The following IL1RAPL1 variants were observed in gnomAD, a reference collection of about 807,000 sequenced individuals.
IL1RAPL1 encodes the protein interleukin-1 receptor accessory protein-like 1.
Under a neutral mutation model 48.4 loss-of-function variants are expected in IL1RAPL1, and 3 were observed. The observed-to-expected ratio is 0.06, with a 90% CI of 0.03 to 0.16. The LOEUF is 0.16. Ranked by LOEUF, IL1RAPL1 falls within the 10% of genes least tolerant of loss-of-function variation. IL1RAPL1 has a pLI of 1.00. For synonymous variants in IL1RAPL1, 185 were observed against 187.7 expected (o/e 0.99, Z 0.12); for missense variants, 349 against 530.6 (o/e 0.66, Z 3.36).
At chrX:29,484,175 A>G (rs1980844738) in intron 5 of IL1RAPL1, among the ~76,000 whole-genome samples, 2 of 111,702 alleles carry the variant, frequency 1.8e-5, no homozygotes, top group Non-Finnish European at 3.8e-5. Flanking sequence ...AATACCACAG[A>G]CAGGGTAATT....
At chrX:29,212,198 T>C (rs191176211) in intron 2 of IL1RAPL1, among the ~76,000 whole-genome samples, 20 of 111,631 alleles carry the variant, frequency 1.8e-4, no homozygotes, top group African/African-American at 6.2e-4. Flanking sequence ...CCATCCCTAA[T>C]AAATCAGCTT....
At chrX:28,598,490 C>G (rs1183627593) in intron 1 of IL1RAPL1, among the ~76,000 whole-genome samples, 1 of 110,968 alleles carries the variant, frequency 9.0e-6, no homozygotes, top group African/African-American at 3.3e-5. Flanking sequence ...TACTTAGGCA[C>G]AAACTAAATG....
intron 2 of IL1RAPL1, among the ~76,000 whole-genome samples, chrX:29,224,338 C>A (rs1243068403): frequency 9.0e-6 from 1 of 110,726 alleles, no homozygotes; most frequent in Non-Finnish European, 1.9e-5. Flanking sequence ...TTTATTTTAG[C>A]CTATGTGTAC....
chrX:28,742,088 C>T (rs749051636), intron 1 of IL1RAPL1, among the ~76,000 whole-genome samples: 57 of 111,076 alleles, frequency 5.1e-4, no homozygotes, highest in Middle Eastern at 4.6e-3. Flanking sequence ...CAGAACGTCT[C>T]GTTGGGACAT....
intron 2 of IL1RAPL1, among the ~76,000 whole-genome samples, chrX:28,985,681 A>G (rs1418653263): frequency 1.1e-5 from 1 of 93,465 alleles, no homozygotes; most frequent in African/African-American, 4.2e-5. Flanking sequence ...TTTTTTTGAG[A>G]CGGAGTCTCG....
intron 8 of IL1RAPL1, among the ~76,000 whole-genome samples, chrX:29,935,245 A>AT (rs914206976): frequency 2.7e-4 from 30 of 110,606 alleles, no homozygotes; most frequent in African/African-American, 9.9e-4. Flanking sequence ...AATGATGTCC[A>AT]TTTTTCCCCA....
chrX:29,337,066 A>G (rs1420941690), intron 3 of IL1RAPL1, among the ~76,000 whole-genome samples: 5 of 111,078 alleles, frequency 4.5e-5, no homozygotes, highest in Admixed American at 9.6e-5. Context: ...CTCCAAGTCA[A>G]AGTACTCAGC....
At chrX:29,211,541 G>T (rs899403104) in intron 2 of IL1RAPL1, among the ~76,000 whole-genome samples, 1 of 111,437 alleles carries the variant, frequency 9.0e-6, no homozygotes, top group Admixed American at 9.6e-5. Context: ...TTTTAAATTC[G>T]CTGCCACCAT....
At chrX:28,883,464 CATTTA>C (rs1204721105) in intron 2 of IL1RAPL1, among the ~76,000 whole-genome samples, 6 of 111,703 alleles carry the variant, frequency 5.4e-5, no homozygotes, top group Non-Finnish European at 9.4e-5. Context: ...AAATATAATT[CATTTA>C]ATTTAACTTA....
At chrX:29,707,501 C>T (rs568756554) in intron 6 of IL1RAPL1, among the ~76,000 whole-genome samples, 3 of 111,990 alleles carry the variant, frequency 2.7e-5, no homozygotes, top group Middle Eastern at 4.6e-3. Flanking sequence ...TTTATAGCAG[C>T]ACAATTTGCA....
intron 2 of IL1RAPL1, among the ~76,000 whole-genome samples, chrX:29,177,605 A>G (rs1308978818): frequency 8.9e-6 from 1 of 112,140 alleles, no homozygotes; most frequent in Non-Finnish European, 1.9e-5. Flanking sequence ...TTAATTTTCT[A>G]TTATTATACT....
chrX:29,802,805 AT>A (rs1929975875), intron 6 of IL1RAPL1, among the ~76,000 whole-genome samples: 1 of 58,495 alleles, frequency 1.7e-5, no homozygotes, highest in African/African-American at 1.0e-4. Flanking sequence ...ATATATATAT[AT>A]ATATGTGTGT....
At chrX:28,727,053 T>A (rs982327805) in intron 1 of IL1RAPL1, among the ~76,000 whole-genome samples, 1 of 111,947 alleles carries the variant, frequency 8.9e-6, no homozygotes, top group African/African-American at 3.2e-5. Flanking sequence ...ATAAAAATAA[T>A]TTTCCAATTC....
chrX:29,194,689 T>C (rs1455095122), intron 2 of IL1RAPL1, among the ~76,000 whole-genome samples: 3 of 112,230 alleles, frequency 2.7e-5, no homozygotes, highest in Non-Finnish European at 5.6e-5. Context: ...AAGGAATTAC[T>C]TGGGTATGAA....
chrX:29,400,837 A>C (rs1039694370), intron 5 of IL1RAPL1, among the ~76,000 whole-genome samples: 24 of 112,209 alleles, frequency 2.1e-4, no homozygotes, highest in African/African-American at 6.5e-4. Flanking sequence ...GTATTGAGGC[A>C]AAGGAATTTA....
intron 6 of IL1RAPL1, among the ~76,000 whole-genome samples, chrX:29,907,101 A>C (rs1932648410): frequency 9.0e-6 from 1 of 111,508 alleles, no homozygotes; most frequent in Non-Finnish European, 1.9e-5. Context: ...TCCTATCACA[A>C]TCTATCTAGC....
chrX:29,248,108 A>C (rs776634076), intron 2 of IL1RAPL1, among the ~76,000 whole-genome samples: 1 of 112,177 alleles, frequency 8.9e-6, no homozygotes, highest in African/African-American at 3.2e-5. Flanking sequence ...AAAGAAAAAG[A>C]CAAACACAAA....
At chrX:29,644,405 T>C (rs1925258667) in intron 5 of IL1RAPL1, among the ~76,000 whole-genome samples, 1 of 112,168 alleles carries the variant, frequency 8.9e-6, no homozygotes, top group Non-Finnish European at 1.9e-5. Flanking sequence ...CATTGTCTTC[T>C]GCACCTATAC....
At chrX:29,608,833 T>A (rs866303835) in intron 5 of IL1RAPL1, among the ~76,000 whole-genome samples, 14 of 109,842 alleles carry the variant, frequency 1.3e-4, no homozygotes, top group South Asian at 4.0e-4. Context: ...CTCAAAAAAA[T>A]AAAATAAAAT....
Sources: gnomAD v4.1 joint callset for allele counts (sites outside exome capture counted in the v4.1 genomes callset) on GRCh38, gnomAD v4.1.1 for gene constraint, MANE v1.5 for transcripts, NCBI Gene and HGNC (gene_info 2026-07-23, HGNC 2026-07-21) for gene names.